PODXL2: variants seen among roughly 807,000 people sequenced by gnomAD.
The protein encoded by PODXL2 is podocalyxin like 2, also known as podocalyxin-like protein 2.
PODXL2 carries 17 observed loss-of-function variants against 53.4 expected under a neutral mutation model. The ratio of observed to expected loss-of-function variants is 0.32; its 90% CI spans 0.22 to 0.48. The LOEUF (loss-of-function observed/expected upper bound fraction) is 0.48. Among genes scored for constraint, PODXL2 ranks in the 20% least tolerant of loss-of-function variants. The pLI is 0.99. For synonymous variants in PODXL2, 311 were observed against 306.7 expected, an observed-to-expected ratio of 1.01 and a Z score of -0.15; for missense variants, 673 against 760.0, an observed-to-expected ratio of 0.89 and a Z score of 1.35.
intron 2 of PODXL2, among the ~76,000 whole-genome samples, chr3:127,654,715 C>T (rs1024153560): frequency 6.6e-6 from 1 of 152,182 alleles, no homozygotes; most frequent in Admixed American, 6.5e-5. Context: ...AGTGCTTATC[C>T]TGCTCCTCAT....
At chr3:127,669,318 C>A in intron 6 of PODXL2, 116 bp downstream of exon 6, 1 of 712,208 alleles carries the variant, frequency 1.4e-6, no homozygotes, top group Non-Finnish European at 2.4e-6. Flanking sequence ...TAAGACAGAG[C>A]GTGCTCTGGG....
At chr3:127,664,675 T>G (rs1207572664) in intron 4 of PODXL2, among the ~76,000 whole-genome samples, 4 of 152,122 alleles carry the variant, frequency 2.6e-5, no homozygotes, top group Non-Finnish European at 4.4e-5. Context: ...TTTCTGTTTT[T>G]TTAAACAGTG....
At chr3:127,651,693 G>A (rs955627015) in intron 2 of PODXL2, among the ~76,000 whole-genome samples, 1 of 152,218 alleles carries the variant, frequency 6.6e-6, no homozygotes, top group African/African-American at 2.4e-5. Flanking sequence ...CCCTAACCAC[G>A]GATACACCTG....
chr3:127,671,894 G>A (rs1468960783), intron 7 of PODXL2, among the ~76,000 whole-genome samples: 4 of 152,334 alleles, frequency 2.6e-5, no homozygotes, highest in African/African-American at 9.6e-5. Flanking sequence ...CTGAGCACCT[G>A]AATACCTCAC....
intron 2 of PODXL2, among the ~76,000 whole-genome samples, chr3:127,646,979 T>C (rs549329718): frequency 3.0e-4 from 46 of 152,284 alleles, no homozygotes; most frequent in African/African-American, 1.1e-3. Flanking sequence ...TCTAGTGTGT[T>C]GGGCCTCAGG....
intron 2 of PODXL2, among the ~76,000 whole-genome samples, chr3:127,644,591 C>T (rs915486094): frequency 6.6e-6 from 1 of 152,226 alleles, no homozygotes. Flanking sequence ...GTCCTCCCCC[C>T]TCCCCAGGGG....
intron 2 of PODXL2, among the ~76,000 whole-genome samples, chr3:127,654,183 T>A (rs2074707159): frequency 6.6e-6 from 1 of 152,228 alleles, no homozygotes; most frequent in Non-Finnish European, 1.5e-5. Context: ...TAATCTTTCT[T>A]TGTCTTTCAT....
chr3:127,638,239 T>C (rs1381127718), intron 1 of PODXL2, among the ~76,000 whole-genome samples: 1 of 152,234 alleles, frequency 6.6e-6, no homozygotes, highest in Non-Finnish European at 1.5e-5. Context: ...GCTATATTCC[T>C]GTCCTTAAAG....
chr3:127,665,213 T>C (rs2074789617), intron 4 of PODXL2, among the ~76,000 whole-genome samples: 2 of 152,258 alleles, frequency 1.3e-5, no homozygotes, highest in Admixed American at 1.3e-4. Flanking sequence ...CTCTTTAGTC[T>C]CCTTTAATCT....
intron 1 of PODXL2, among the ~76,000 whole-genome samples, chr3:127,636,598 T>C (rs2074579691): frequency 6.6e-6 from 1 of 152,268 alleles, no homozygotes; most frequent in Non-Finnish European, 1.5e-5. Context: ...TCTGGGAACA[T>C]GACTTCAGCT....
At chr3:127,653,925 G>C (rs2074705283) in intron 2 of PODXL2, among the ~76,000 whole-genome samples, 1 of 152,160 alleles carries the variant, frequency 6.6e-6, no homozygotes, top group African/African-American at 2.4e-5. Context: ...ACTTCAGTGT[G>C]CATTTCTTAG....
intron 2 of PODXL2, among the ~76,000 whole-genome samples, chr3:127,657,508 CAG>C (rs1003376256): frequency 2.6e-5 from 4 of 152,202 alleles, no homozygotes; most frequent in African/African-American, 7.2e-5. Context: ...ACTTCTCTTT[CAG>C]AGTCATCTCT....
intron 4 of PODXL2, among the ~76,000 whole-genome samples, chr3:127,664,646 C>G (rs760285579): frequency 2.6e-5 from 4 of 152,088 alleles, no homozygotes; most frequent in Non-Finnish European, 5.9e-5. Context: ...GTTTCCACAT[C>G]CTCATAAACA....
chr3:127,629,356 C>T lies in PODXL2; in HGVS notation c.70+67C>T. 1 of 997,814 alleles carries T rather than the reference C, an allele frequency of 1.0e-6. No homozygotes were observed. The highest frequency in any genetic ancestry group is 1.2e-6 in the Non-Finnish European group (1 of 838,572). The allele number at this position is 997,814 out of a possible 1,614,324, so 61.8% of individuals were successfully genotyped here. ...GCGTGGGCGCGGTGCTGGACAGCTCCCCGGGCCGCCAACAAAGGGGCCAGA... is the reference window on the plus strand; with the variant it reads ...GCGTGGGCGCGGTGCTGGACAGCTCTCCGGGCCGCCAACAAAGGGGCCAGA... On this transcript the variant is annotated intron_variant, in intron 1 of 7. Coordinates refer to ENST00000342480, the MANE Select transcript of PODXL2 (RefSeq NM_015720.4). This position sits in a 1 kb window ranked among gnomAD's most constrained non-coding sequence, Gnocchi z 6.4.
intron 7 of PODXL2, among the ~76,000 whole-genome samples, 192 bp from the exon 8 acceptor site, chr3:127,672,076 G>T (rs2074849205): frequency 6.6e-6 from 1 of 152,246 alleles, no homozygotes; most frequent in East Asian, 1.9e-4. Flanking sequence ...GAGGCCACGG[G>T]GCTTTGTAGT....
In PODXL2 at chr3:127,662,318, G is replaced by T. The variant is rs1442792780; in HGVS notation, c.1206+7G>T. ...GACAGAGAACATAGACTGTGTGAGTGCCCAGCCAGGCTCCGAACCGCAGGG... is the reference window on the plus strand; with the variant it reads ...GACAGAGAACATAGACTGTGTGAGTTCCCAGCCAGGCTCCGAACCGCAGGG... On this transcript the variant is annotated splice_region_variant and intron_variant, in intron 4 of 7. Transcript: ENST00000342480. The T allele has an allele frequency of 7.4e-6, 12 of 1,611,074 alleles. No individual in the cohort carries two copies. The highest frequency in any genetic ancestry group is 1.0e-5 in the Non-Finnish European group (12 of 1,178,156).
intron 1 of PODXL2, among the ~76,000 whole-genome samples, chr3:127,633,693 C>G (rs938958666): frequency 3.3e-5 from 5 of 152,026 alleles, no homozygotes; most frequent in Non-Finnish European, 7.4e-5. Context: ...GGAATTGAAA[C>G]AAGGGACTCC....
At chr3:127,644,690 T>A (rs1326593835) in intron 2 of PODXL2, among the ~76,000 whole-genome samples, 1 of 152,226 alleles carries the variant, frequency 6.6e-6, no homozygotes, top group African/African-American at 2.4e-5. Context: ...ATAGCTCTCA[T>A]TCATTGAATA....
At chr3:127,643,637 A>T (rs990387725) in intron 2 of PODXL2, among the ~76,000 whole-genome samples, 39 of 150,946 alleles carry the variant, frequency 2.6e-4, no homozygotes, top group South Asian at 1.1e-3. Context: ...TTCTTTTTTT[A>T]AAATTATTTT....
Sources: gnomAD v4.1 joint callset for allele counts (sites outside exome capture counted in the v4.1 genomes callset) on GRCh38, gnomAD v4.1.1 for gene constraint, Gnocchi (gnomAD v3.1) non-coding constraint, MANE v1.5 for transcripts, NCBI Gene and HGNC (gene_info 2026-07-23, HGNC 2026-07-21) for gene names.